OTOP2: variants seen among roughly 807,000 people sequenced by gnomAD.
The protein encoded by OTOP2 is otopetrin 2.
A neutral mutation model predicts 47.4 loss-of-function variants in OTOP2; 41 were observed. The observed-to-expected ratio is 0.87, with a 90% CI of 0.67 to 1.12. The LOEUF (loss-of-function observed/expected upper bound fraction) is 1.12. OTOP2 is among the 50% of genes most tolerant of loss of function. The probability of loss-of-function intolerance (pLI) is 0.00; values close to 1 mark genes in which losing one functional copy is unlikely to be tolerated. For missense variants in OTOP2, 721 were observed against 752.2 expected, an observed-to-expected ratio of 0.96 and a Z score of 0.49; for synonymous variants, 328 against 319.6, an observed-to-expected ratio of 1.03 and a Z score of -0.28.
At position 74,929,921 on chromosome 17, in the gene OTOP2, G is replaced by A. The variant is rs570954011; in HGVS notation, c.644-358G>A. ...AGCTAGGCTGGGCGTGGTGGCTCAC[G>A]CCTGTAATCCCAGCATTTTGGGAGG... On this transcript the variant is annotated intron_variant, in intron 5 of 6. Transcript: ENST00000331427. Among the ~76,000 whole-genome samples, 6 of 152,270 alleles carry A rather than the reference G, an allele frequency of 3.9e-5. No homozygotes were observed. In the South Asian group the frequency reaches 1.2e-3, roughly 32 times the overall value.
chr17:74,927,671 T>G lies in OTOP2; in HGVS notation c.516T>G (p.Gly172=). ...CACCCCTGACCCCAAACAGGTGTGG[T>G]CTCATGTTCACACTCACCACCAACC... ...VHVHLDLTWC[G]LMFTLTTNLA... Residue 172 remains glycine, a synonymous_variant, in exon 5 of 7, where the codon GGT becomes GGG. Transcript: ENST00000331427. 1 of 1,613,516 alleles carries G rather than the reference T, an allele frequency of 6.2e-7. No homozygotes were observed. Among genetic ancestry groups the G allele is most frequent in the Non-Finnish European group, 8.5e-7 (1 of 1,179,700 alleles).
chr17:74,928,447 A>T (rs537211009), intron 5 of OTOP2, among the ~76,000 whole-genome samples: 2 of 152,294 alleles, frequency 1.3e-5, no homozygotes, highest in South Asian at 4.2e-4. Flanking sequence ...TCTGTGGTGC[A>T]AGCATGGATC....
Position 74,927,160 on chromosome 17 carries a change from G to C in OTOP2, c.451-63G>C. The C allele has an allele frequency of 2.8e-6, 4 of 1,412,824 alleles. No homozygotes were observed. The South Asian group carries it at 4.6e-5, about 16-fold the overall frequency. The allele number at this position is 1,412,824 out of a possible 1,614,324, so 87.5% of individuals were successfully genotyped here. A position where few individuals can be genotyped will look rare whatever the true frequency, so the allele number is the denominator to read the frequency against. ...GGAGAGAACAAGATGGCATGGACTT[G>C]GGTGCGCTGGAGTTTTGTCCATCTA... On this transcript the variant is annotated intron_variant, in intron 3 of 6. Transcript: ENST00000331427.
intron 3 of OTOP2, 91 bp downstream of exon 3, chr17:74,925,783 T>C: frequency 6.4e-7 from 1 of 1,552,114 alleles, no homozygotes; most frequent in Non-Finnish European, 8.8e-7. Flanking sequence ...CTGAGCTCCA[T>C]CCGCCTCGTA....
Position 74,924,447 on chromosome 17 carries a change from G to T in OTOP2, c.-34+114G>T. 1.6e-6 allele frequency: 1 copy of T among 642,034 alleles called. No homozygotes were observed. Among genetic ancestry groups the T allele is most frequent in the Non-Finnish European group, 2.5e-6 (1 of 395,546 alleles). 39.8% of individuals were successfully genotyped at this position (642,034 alleles called of 1,614,324 possible). On this transcript the variant is annotated intron_variant, in intron 1 of 6. Transcript: ENST00000331427. This position sits in a 1 kb window ranked among gnomAD's most constrained non-coding sequence, Gnocchi z 7.7. ...CCATCCAGCGAGAGGGGCAGGTTCC[G>T]CATTTTCTCTTCCCCTTTCCCAGCG...
chr17:74,930,679 C>T lies in OTOP2; in HGVS notation c.1044C>T (p.Ile348=), dbSNP rs2144768158. 1 of 1,614,116 alleles carries T rather than the reference C, an allele frequency of 6.2e-7. No individual in the cohort carries two copies. The highest frequency in any genetic ancestry group is 8.5e-7 in the Non-Finnish European group (1 of 1,180,032). ...CCTTGGTCAGCCTGAGCGGCTCCAT[C>T]ATCTACCGTTTTGACCGCCGGGCCA... ...LTTLVSLSGS[I]IYRFDRRAMD... is the part of the protein sequence containing the mutation. The change falls in exon 6 of 7, where the codon ATC becomes ATT. Residue 348 remains isoleucine, a synonymous_variant. Coordinates refer to ENST00000331427, the MANE Select transcript of OTOP2 (RefSeq NM_178160.3). This position sits in a 1 kb window ranked among gnomAD's most constrained non-coding sequence, Gnocchi z 4.0.
chr17:74,925,408 C>T, intron 2 of OTOP2, 148 bp from the exon 3 acceptor site: 1 of 990,878 alleles, frequency 1.0e-6, no homozygotes, highest in Non-Finnish European at 1.5e-6. Context: ...TCCTCCCACC[C>T]TCCCCATTGA....
At position 74,924,319 on chromosome 17, in the gene OTOP2, TCCAAGCCCAGCCAGGTGGGTGCC is replaced by T. The variant is rs2038982679; in HGVS notation, c.-45_-34+11del. Reference sequence around the variant, plus strand: ...CCCTGACCCCCAGCTCAGCGCCGGCTCCAAGCCCAGCCAGGTGGGTGCCCCGGGCCGGAGGGCAGTCGGACTTG... The same window carrying T: ...CCCTGACCCCCAGCTCAGCGCCGGCTCCGGGCCGGAGGGCAGTCGGACTTG... On this transcript the variant is annotated splice_donor_variant and splice_donor_5th_base_variant and 5_prime_UTR_variant and intron_variant, in exon 1 of 7. Coordinates refer to ENST00000331427, the MANE Select transcript of OTOP2 (RefSeq NM_178160.3). LOFTEE classifies it low-confidence loss of function (5UTR_SPLICE). The surrounding 1 kb of genome is among the most constrained non-coding windows in gnomAD (Gnocchi z 7.7). The T allele has an allele frequency of 2.6e-6, 1 of 378,442 alleles. No individual in the cohort carries two copies. The highest frequency in any genetic ancestry group is 4.8e-6 in the Non-Finnish European group (1 of 210,256). The allele number at this position is 378,442 out of a possible 1,614,324, so 23.4% of individuals were successfully genotyped here. A position where few individuals can be genotyped will look rare whatever the true frequency, so the allele number is the denominator to read the frequency against.
intron 4 of OTOP2, 117 bp from the exon 5 acceptor site, chr17:74,927,548 T>C (rs911587007): frequency 3.5e-6 from 5 of 1,414,144 alleles, no homozygotes; most frequent in Non-Finnish European, 4.8e-6. Context: ...AAAATCAGCT[T>C]CCCTGTTCAC....
chr17:74,933,642 A>G lies in OTOP2; in HGVS notation c.*97A>G. The G allele has an allele frequency of 3.8e-6, 5 of 1,332,846 alleles. No homozygotes were observed. The South Asian group carries it at 7.8e-5, about 21-fold the overall frequency. The allele number at this position is 1,332,846 out of a possible 1,614,324, so 82.6% of individuals were successfully genotyped here. A position where few individuals can be genotyped will look rare whatever the true frequency, so the allele number is the denominator to read the frequency against. Reference sequence around the variant, plus strand: ...AATGAATCCCAGCTGGTGCCATATGACAGCCCATTTCCTTCTGGTCCCAGA... The same window carrying G: ...AATGAATCCCAGCTGGTGCCATATGGCAGCCCATTTCCTTCTGGTCCCAGA... On this transcript the variant is annotated 3_prime_UTR_variant, in exon 7 of 7. Transcript: ENST00000331427. The surrounding 1 kb of genome is among the most constrained non-coding windows in gnomAD (Gnocchi z 4.7).
chr17:74,925,075 C>A, intron 2 of OTOP2, 130 bp downstream of exon 2: 11 of 1,196,502 alleles, frequency 9.2e-6, no homozygotes, highest in Non-Finnish European at 1.2e-5. Flanking sequence ...CCAGGAGGAC[C>A]GGAGGGTGAA....
At chr17:74,927,837 C>A (rs1301482040) in intron 5 of OTOP2, 39 bp downstream of exon 5, 3 of 1,605,920 alleles carry the variant, frequency 1.9e-6, no homozygotes, top group Non-Finnish European at 2.6e-6. Context: ...GGCTACCAGG[C>A]CTTGGGCCGG....
chr17:74,927,535 A>G, intron 4 of OTOP2, 130 bp from the exon 5 acceptor site: 1 of 1,354,794 alleles, frequency 7.4e-7, no homozygotes, highest in East Asian at 2.3e-5. Flanking sequence ...CTGTGTTCCT[A>G]CCAAAATCAG....
chr17:74,928,398 G>A lies in OTOP2; in HGVS notation c.643+600G>A, dbSNP rs913736304. 4.6e-5 allele frequency among the ~76,000 whole-genome samples: 7 copies of A among 152,262 alleles called. No homozygotes were observed. In the East Asian group the frequency reaches 9.6e-4, roughly 21 times the overall value. On this transcript the variant is annotated intron_variant, in intron 5 of 6. Coordinates refer to ENST00000331427, the MANE Select transcript of OTOP2 (RefSeq NM_178160.3). ...CAGAATCCAGGAAGAAAGGGCAAGA[G>A]TGATCAAGCTGGGAAAAGGAGAAGG...
chr17:74,924,839 G>T lies in OTOP2; in HGVS notation c.207G>T (p.Met69Ile). 1 of 1,610,122 alleles carries T rather than the reference G, an allele frequency of 6.2e-7. No homozygotes were observed. Among genetic ancestry groups the T allele is most frequent in the East Asian group, 2.2e-5 (1 of 44,698 alleles). Residue 69 changes from methionine to isoleucine, a missense_variant, in exon 2 of 7, where the codon ATG becomes ATT. Coordinates refer to ENST00000331427, the MANE Select transcript of OTOP2 (RefSeq NM_178160.3). The surrounding 1 kb of genome is among the most constrained non-coding windows in gnomAD (Gnocchi z 7.7). ...ACGTGTTCGCGCTGCTCACTGCGATGATGCTGCTGGCAACGCTCTGGATCC... is the reference window on the plus strand; with the variant it reads ...ACGTGTTCGCGCTGCTCACTGCGATTATGCTGCTGGCAACGCTCTGGATCC... ...DTDVFALLTAMMLLATLWILF... is the reference protein window; with the variant it reads ...DTDVFALLTAIMLLATLWILF...
At chr17:74,928,844 G>A (rs779085303) in intron 5 of OTOP2, among the ~76,000 whole-genome samples, 10 of 152,124 alleles carry the variant, frequency 6.6e-5, no homozygotes, top group South Asian at 2.1e-4. Context: ...GGGAGGGTCC[G>A]GCAACAGAAA....
At position 74,930,559 on chromosome 17, in the gene OTOP2, C is replaced by T. The variant is rs750620416; in HGVS notation, c.924C>T (p.Ile308=). The T allele has an allele frequency of 1.9e-6, 3 of 1,613,382 alleles. No individual in the cohort carries two copies. The highest frequency in any genetic ancestry group is 3.3e-5 in the Admixed American group (2 of 60,008). ...LLFVVGLAVF[I]IYEVQVSGDG... ...TCGTGGTGGGGCTGGCTGTCTTCAT[C>T]ATCTACGAGGTTCAAGTGAGCGGGG... The change falls in exon 6 of 7, where the codon ATC becomes ATT. Residue 308 remains isoleucine, a synonymous_variant. Transcript: ENST00000331427. This position sits in a 1 kb window ranked among gnomAD's most constrained non-coding sequence, Gnocchi z 4.0.
intron 3 of OTOP2, among the ~76,000 whole-genome samples, chr17:74,926,764 CTT>C (rs781655107): frequency 1.4e-5 from 2 of 144,460 alleles, no homozygotes; most frequent in Non-Finnish European, 1.5e-5. Context: ...TTTTCTTTTC[CTT>C]TTTTTTTTTT....
rs752532668 is a variant in OTOP2 at position 74,924,807 on chromosome 17, G to A, written c.175G>A (p.Asp59Asn). 6.8e-6 allele frequency: 11 copies of A among 1,611,820 alleles called. No individual in the cohort carries two copies. Among genetic ancestry groups the A allele is most frequent in the Non-Finnish European group, 8.5e-6 (10 of 1,179,268 alleles). The change falls in exon 2 of 7, where the codon GAC (aspartate) becomes AAC (asparagine). Residue 59 changes from aspartate (D) to asparagine (N), a missense_variant. Asp to Asn is a conservative substitution (Grantham distance 23, BLOSUM62 1). Transcript: ENST00000331427. The surrounding 1 kb of genome is among the most constrained non-coding windows in gnomAD (Gnocchi z 7.7). ...AGCCTTCAACAAGGTGGCCGTGTAC[G>A]ACACCGACGTGTTCGCGCTGCTCAC... ...GGAFNKVAVYDTDVFALLTAM... is the reference protein window; with the variant it reads ...GGAFNKVAVYNTDVFALLTAM...
Sources: allele counts gnomAD v4.1 joint callset (sites outside exome capture counted in the v4.1 genomes callset), GRCh38; gene constraint gnomAD v4.1.1; non-coding constraint Gnocchi (gnomAD v3.1); transcripts MANE v1.5; gene names NCBI Gene and HGNC (gene_info 2026-07-23, HGNC 2026-07-21).